Variants in TIMM21 observed in about 807,000 individuals in gnomAD.
The protein encoded by TIMM21 is translocase of inner mitochondrial membrane 21, also known as mitochondrial import inner membrane translocase subunit Tim21.
In TIMM21, 30 loss-of-function variants were observed where a neutral mutation model predicts 27.7. That is an observed-to-expected ratio of 1.08 (90% CI 0.81 to 1.47). The LOEUF is 1.47. TIMM21 is among the 40% of genes most tolerant of loss of function. The pLI, the probability that TIMM21 is intolerant of heterozygous loss-of-function variation, is 0.00. For missense variants in TIMM21, 292 were observed against 302.9 expected, an observed-to-expected ratio of 0.96 and a Z score of 0.27; for synonymous variants, 121 against 114.4, an observed-to-expected ratio of 1.06 and a Z score of -0.37.
chr18:74,156,535 A>G, intron 3 of TIMM21: 2 of 369,268 alleles, frequency 5.4e-6, no homozygotes, highest in Non-Finnish European at 9.6e-6. Context: ...GGTGAAAACC[A>G]GGAAATAAGG....
chr18:74,153,029 G>A (rs1360527731), intron 1 of TIMM21, among the ~76,000 whole-genome samples: 1 of 152,222 alleles, frequency 6.6e-6, no homozygotes, highest in Non-Finnish European at 1.5e-5. Context: ...CCAGAGAGGA[G>A]CTCAGCTGAC....
chr18:74,158,445 A>G lies in TIMM21; in HGVS notation c.712A>G (p.Ile238Val), dbSNP rs777764573. 5.6e-6 allele frequency: 9 copies of G among 1,600,038 alleles called. No individual in the cohort carries two copies. In the Admixed American group the frequency reaches 1.2e-4, roughly 21 times the overall value. ...VEIESYPRRT[I>V]IIEDNRSQDD is the part of the protein sequence containing the mutation. ...AATTGAATCTTATCCTAGAAGAACT[A>G]TTATCATTGAAGATAATCGATCCCA... Residue 238 changes from isoleucine (I) to valine (V), a missense_variant, in exon 6 of 6, where the codon ATT becomes GTT. By Grantham distance (29) the Ile-to-Val change is conservative. Transcript: ENST00000169551.
At chr18:74,150,506 A>G (rs1245649936) in intron 1 of TIMM21, among the ~76,000 whole-genome samples, 1 of 152,232 alleles carries the variant, frequency 6.6e-6, no homozygotes, top group East Asian at 1.9e-4. Context: ...TAAGACTGTT[A>G]TGATAGAGGG....
intron 1 of TIMM21, among the ~76,000 whole-genome samples, chr18:74,150,685 G>A (rs561767732): frequency 6.6e-6 from 1 of 152,284 alleles, no homozygotes; most frequent in South Asian, 2.1e-4. Context: ...ACCATTTGTG[G>A]TATTACATGT....
Position 74,148,638 on chromosome 18 carries a change from C to G in TIMM21, c.-171C>G. The G allele has an allele frequency of 1.6e-6, 1 of 619,938 alleles. No homozygotes were observed. Among genetic ancestry groups the G allele is most frequent in the South Asian group, 2.2e-5 (1 of 44,794 alleles). The allele number at this position is 619,938 out of a possible 1,614,324, so 38.4% of individuals were successfully genotyped here. On this transcript the variant is annotated 5_prime_UTR_variant, in exon 1 of 6. Coordinates refer to ENST00000169551, the MANE Select transcript of TIMM21 (RefSeq NM_014177.3). ...AGGGAAGGTAGACATCAGGTTCTCCCTGGAGACTTTTCGTTTTCATTTACG... is the reference window on the plus strand; with the variant it reads ...AGGGAAGGTAGACATCAGGTTCTCCGTGGAGACTTTTCGTTTTCATTTACG...
chr18:74,150,508 G>A (rs1262138036), intron 1 of TIMM21, among the ~76,000 whole-genome samples: 1 of 152,214 alleles, frequency 6.6e-6, no homozygotes, highest in Non-Finnish European at 1.5e-5. Context: ...AGACTGTTAT[G>A]ATAGAGGGTG....
chr18:74,154,383 T>C (rs1438136982), intron 1 of TIMM21, among the ~76,000 whole-genome samples: 1 of 152,074 alleles, frequency 6.6e-6, no homozygotes, highest in Non-Finnish European at 1.5e-5. Context: ...TGCCTCAGCC[T>C]CTCGAGTAGC....
At position 74,148,838 on chromosome 18, in the gene TIMM21, G is replaced by C; in HGVS notation, c.30G>C (p.Gln10His). Reference sequence around the variant, plus strand: ...TTTGTACTTTTCTACGAGCCGTACAGTATACGGAGAAGCTGCACAGGTCCT... The same window carrying C: ...TTTGTACTTTTCTACGAGCCGTACACTATACGGAGAAGCTGCACAGGTCCT... MICTFLRAV[Q>H]YTEKLHRSSA... Residue 10 changes from glutamine to histidine, a missense_variant, in exon 1 of 6, where the codon CAG (glutamine) becomes CAC (histidine). Physicochemically the swap from Gln to His is conservative, Grantham distance 24 (BLOSUM62 0). Transcript: ENST00000169551. The C allele has an allele frequency of 1.2e-6, 2 of 1,613,646 alleles. No homozygotes were observed. The highest frequency in any genetic ancestry group is 1.7e-6 in the Non-Finnish European group (2 of 1,179,548).
At chr18:74,153,657 T>C (rs1466749161) in intron 1 of TIMM21, among the ~76,000 whole-genome samples, 1 of 152,236 alleles carries the variant, frequency 6.6e-6, no homozygotes, top group East Asian at 1.9e-4. Context: ...TGAGGTCTTT[T>C]TATTATTTGA....
chr18:74,154,352 C>T (rs1017857548), intron 1 of TIMM21, among the ~76,000 whole-genome samples: 5 of 151,846 alleles, frequency 3.3e-5, no homozygotes, highest in Non-Finnish European at 5.9e-5. Flanking sequence ...AGCTCCGCCT[C>T]CCGGGTTCAC....
At chr18:74,157,919 A>ATT in intron 3 of TIMM21, 95 bp from the exon 4 acceptor site, 1 of 1,371,794 alleles carries the variant, frequency 7.3e-7, no homozygotes, top group Non-Finnish European at 1.0e-6. Context: ...AAGCTTACTG[A>ATT]TTTTTTTTTC....
At position 74,158,153 on chromosome 18, in the gene TIMM21, C is replaced by G; in HGVS notation, c.537-18C>G. ...TTAAATGAAAGGAACTTAGACTGATCTTTCGTTTTCTCGACAGGTTCACTG... is the reference window on the plus strand; with the variant it reads ...TTAAATGAAAGGAACTTAGACTGATGTTTCGTTTTCTCGACAGGTTCACTG... On this transcript the variant is annotated intron_variant, in intron 4 of 5. Coordinates refer to ENST00000169551, the MANE Select transcript of TIMM21 (RefSeq NM_014177.3). The G allele has an allele frequency of 1.2e-6, 2 of 1,613,916 alleles. No homozygotes were observed. The highest frequency in any genetic ancestry group is 1.1e-5 in the South Asian group (1 of 91,070).
Position 74,158,553 on chromosome 18 carries a change from G to C in TIMM21, c.*73G>C, listed in dbSNP as rs566646021. 1 of 924,164 alleles carries C rather than the reference G, an allele frequency of 1.1e-6. No individual in the cohort carries two copies. The highest frequency in any genetic ancestry group is 2.5e-5 in the East Asian group (1 of 39,414). 57.2% of individuals were successfully genotyped at this position (924,164 alleles called of 1,614,324 possible). On this transcript the variant is annotated 3_prime_UTR_variant, in exon 6 of 6. Coordinates refer to ENST00000169551, the MANE Select transcript of TIMM21 (RefSeq NM_014177.3). ...TCTTCACAGCTGCCTTCCAGAATGT[G>C]TTCAAAAGAAAGACAAGAAGGAGTG...
chr18:74,154,198 G>T (rs1979884695), intron 1 of TIMM21, among the ~76,000 whole-genome samples: 2 of 152,162 alleles, frequency 1.3e-5, no homozygotes, highest in South Asian at 2.1e-4. Context: ...ACTTGTATAT[G>T]TATTTCTGTA....
At position 74,155,472 on chromosome 18, in the gene TIMM21, G is replaced by A; in HGVS notation, c.462+69G>A. 3.0e-6 allele frequency: 4 copies of A among 1,317,686 alleles called. No individual in the cohort carries two copies. The African/African-American group carries it at 4.5e-5, about 15-fold the overall frequency. 81.6% of individuals were successfully genotyped at this position (1,317,686 alleles called of 1,614,324 possible). A position where few individuals can be genotyped will look rare whatever the true frequency, so the allele number is the denominator to read the frequency against. On this transcript the variant is annotated intron_variant, in intron 3 of 5. Coordinates refer to ENST00000169551, the MANE Select transcript of TIMM21 (RefSeq NM_014177.3). ...GAAAATGTCTGGGAGGAGGAAGTGG[G>A]CAGAATTCAAGAACCAGTTCTCACG...
rs181951438 is a variant in TIMM21, at chr18:74,152,964, C to T, written c.302-2181C>T. ...GCATCAACCAGGCATTGAATATGGG[C>T]TGGTCCAGGGAAGTGCCGTGACCTA... On this transcript the variant is annotated intron_variant, in intron 1 of 5. Transcript: ENST00000169551. This position sits in a 1 kb window ranked among gnomAD's most constrained non-coding sequence, Gnocchi z 4.1. Among the ~76,000 whole-genome samples the T allele has an allele frequency of 4.6e-4, 70 of 152,270 alleles. No individual in the cohort carries two copies. Among genetic ancestry groups the T allele is most frequent in the African/African-American group, 1.5e-3 (62 of 41,542 alleles).
rs1979836467 is a variant in TIMM21, at chr18:74,152,465, G to A, written c.302-2680G>A. Among the ~76,000 whole-genome samples, 1 of 152,174 alleles carries A rather than the reference G, an allele frequency of 6.6e-6. No homozygotes were observed. The highest frequency in any genetic ancestry group is 6.5e-5 in the Admixed American group (1 of 15,280). ...ATCCCTCTCCATGGCCCCAGCCACA[G>A]CCGTCTGATATAAGTCCTTAAAATT... is the stretch of plus-strand genomic sequence containing the variant. On this transcript the variant is annotated intron_variant, in intron 1 of 5. Transcript: ENST00000169551. The surrounding 1 kb of genome is among the most constrained non-coding windows in gnomAD (Gnocchi z 4.1).
chr18:74,157,781 G>T, intron 3 of TIMM21: 1 of 509,488 alleles, frequency 2.0e-6, no homozygotes, highest in South Asian at 2.6e-5. Flanking sequence ...TTTTTTAGTA[G>T]AGACGGGGTT....
At chr18:74,155,701 A>C (rs1979933130) in intron 3 of TIMM21, among the ~76,000 whole-genome samples, 1 of 152,200 alleles carries the variant, frequency 6.6e-6, no homozygotes, top group South Asian at 2.1e-4. Flanking sequence ...AGTCTTTTTA[A>C]AGCCTGATGC....
Sources: gnomAD v4.1 joint callset for allele counts (sites outside exome capture counted in the v4.1 genomes callset) on GRCh38, gnomAD v4.1.1 for gene constraint, Gnocchi (gnomAD v3.1) non-coding constraint, MANE v1.5 for transcripts, NCBI Gene and HGNC (gene_info 2026-07-23, HGNC 2026-07-21) for gene names.